AGO4: variants seen among roughly 807,000 people sequenced by gnomAD.
The protein encoded by AGO4 is argonaute RISC component 4, also known as protein argonaute-4.
Under a neutral mutation model 104.7 loss-of-function variants are expected in AGO4, and 33 were observed. The observed-to-expected ratio is 0.32, with a 90% CI of 0.24 to 0.42. The LOEUF (loss-of-function observed/expected upper bound fraction) is 0.42, where lower values mean the gene tolerates loss of function less well. Ranked by LOEUF, AGO4 falls within the 10% of genes least tolerant of loss-of-function variation. The pLI, the probability that AGO4 is intolerant of heterozygous loss-of-function variation, is 1.00. For synonymous variants in AGO4, 331 were observed against 364.7 expected (o/e 0.91, Z 1.05); for missense variants, 711 against 1,083.4 (o/e 0.66, Z 4.83).
intron 7 of AGO4, among the ~76,000 whole-genome samples, chr1:35,828,143 G>A (rs918083660): frequency 2.6e-5 from 4 of 151,970 alleles, no homozygotes; most frequent in Non-Finnish European, 4.4e-5. Flanking sequence ...TAAAATATAT[G>A]AGAAGACATT....
At chr1:35,831,124 G>A (rs1644174019) in intron 7 of AGO4, among the ~76,000 whole-genome samples, 1 of 152,096 alleles carries the variant, frequency 6.6e-6, no homozygotes, top group Non-Finnish European at 1.5e-5. Context: ...CACTTTGGGA[G>A]GCCGAGGTGG....
At position 35,851,023 on chromosome 1, in the gene AGO4, G is replaced by C; in HGVS notation, c.2447G>C (p.Arg816Thr). Residue 816 changes from arginine (R) to threonine (T), a missense_variant, in exon 17 of 18, where the codon AGG (arginine) becomes ACG (threonine). Arg to Thr is a moderately conservative substitution (Grantham distance 71, BLOSUM62 -1). This residue lies in a region of AGO4 where 401 missense variants were observed against 665.5 expected (regional missense o/e 0.60). Transcript: ENST00000373210. ...GCCCGGCTTGTAGCATTTAGGGCAAGGTATCATCTGGTGGATAAAGATCAT... is the reference window on the plus strand; with the variant it reads ...GCCCGGCTTGTAGCATTTAGGGCAACGTATCATCTGGTGGATAAAGATCAT... ...YYARLVAFRA[R>T]YHLVDKDHDS... The C allele has an allele frequency of 6.2e-7, 1 of 1,613,232 alleles. No homozygotes were observed. Among genetic ancestry groups the C allele is most frequent in the Admixed American group, 1.7e-5 (1 of 59,838 alleles).
chr1:35,851,929 A>G (rs1243609551), intron 17 of AGO4, among the ~76,000 whole-genome samples: 2 of 152,236 alleles, frequency 1.3e-5, no homozygotes, highest in African/African-American at 4.8e-5. Flanking sequence ...ACAGGCAAAT[A>G]TACAACTGAC....
intron 13 of AGO4, 47 bp downstream of exon 13, chr1:35,836,040 C>A (rs1557570109): frequency 1.3e-6 from 2 of 1,582,436 alleles, no homozygotes; most frequent in South Asian, 1.1e-5. Context: ...ATCTAACTTA[C>A]ATAATTTATG....
At chr1:35,850,076 C>A in intron 15 of AGO4, 81 bp from the exon 16 acceptor site, 1 of 865,452 alleles carries the variant, frequency 1.2e-6, no homozygotes, top group Non-Finnish European at 1.8e-6. Flanking sequence ...AACTTGCTCC[C>A]AATTAACACA....
intron 2 of AGO4, among the ~76,000 whole-genome samples, chr1:35,817,403 A>C (rs1321785279): frequency 1.4e-5 from 2 of 146,018 alleles, no homozygotes; most frequent in African/African-American, 5.1e-5. Context: ...TTTGGACATG[A>C]GAAAGATGTA....
rs1197184900 is a variant in AGO4 at position 35,841,917 on chromosome 1, A to G, written c.2175+167A>G. On this transcript the variant is annotated intron_variant, in intron 15 of 17. Transcript: ENST00000373210. The surrounding 1 kb of genome is among the most constrained non-coding windows in gnomAD (Gnocchi z 4.7). ...AACTGCAGTTGGGTTTAGATGACCA[A>G]TTCTGAATGATACGAGTTTTGAGAC... Among the ~76,000 whole-genome samples the G allele has an allele frequency of 2.0e-5, 3 of 151,502 alleles. No individual in the cohort carries two copies. Among genetic ancestry groups the G allele is most frequent in the Non-Finnish European group, 4.4e-5 (3 of 67,912 alleles).
chr1:35,816,691 G>A (rs1643710095), intron 1 of AGO4, among the ~76,000 whole-genome samples, 191 bp from the exon 2 acceptor site: 1 of 151,480 alleles, frequency 6.6e-6, no homozygotes, highest in African/African-American at 2.4e-5. Flanking sequence ...CCCAGCTACT[G>A]GAGAGGCTGA....
intron 7 of AGO4, among the ~76,000 whole-genome samples, chr1:35,828,811 G>A (rs773975929): frequency 2.0e-5 from 3 of 152,046 alleles, no homozygotes; most frequent in Non-Finnish European, 4.4e-5. Flanking sequence ...ATGAGCCACT[G>A]CGCCCAGCCC....
chr1:35,813,756 G>GA (rs1388499166), intron 1 of AGO4, among the ~76,000 whole-genome samples: 1 of 146,342 alleles, frequency 6.8e-6, no homozygotes, highest in South Asian at 2.2e-4. Flanking sequence ...CTCAAAAAAA[G>GA]AAAAAAAGAA....
chr1:35,849,554 A>G (rs1644652324), intron 15 of AGO4, among the ~76,000 whole-genome samples: 3 of 149,710 alleles, frequency 2.0e-5, no homozygotes, highest in Non-Finnish European at 4.4e-5. Flanking sequence ...ACATGATGGC[A>G]TGTGTGCCTA....
intron 4 of AGO4, 44 bp downstream of exon 4, chr1:35,825,538 T>A (rs747658365): frequency 6.3e-7 from 1 of 1,590,600 alleles, no homozygotes; most frequent in Non-Finnish European, 8.6e-7. Flanking sequence ...TGTCAGACTT[T>A]TTTGGTAGGT....
rs72065876 is a variant in AGO4, at chr1:35,816,798, CAAAAAAAAAAAAAA to C, written c.20-74_20-61del. 301 of 1,039,916 alleles carry C rather than the reference CAAAAAAAAAAAAAA, an allele frequency of 2.9e-4. No homozygotes were observed. The East Asian group carries it at 5.4e-3, about 19-fold the overall frequency. The allele number at this position is 1,039,916 out of a possible 1,614,324, so 64.4% of individuals were successfully genotyped here. On this transcript the variant is annotated intron_variant, in intron 1 of 17. Coordinates refer to ENST00000373210, the MANE Select transcript of AGO4 (RefSeq NM_017629.4). ...TGGGTGAAAGAGCGAAACTCTGTCT[CAAAAAAAAAAAAAA>C]AAAAAAAAAGAAAGAAAGAAAGAAA...
At chr1:35,814,291 A>C (rs1184079388) in intron 1 of AGO4, among the ~76,000 whole-genome samples, 1 of 152,138 alleles carries the variant, frequency 6.6e-6, no homozygotes, top group Admixed American at 6.6e-5. Flanking sequence ...GAGAAGATTA[A>C]TAGGAGGTTC....
At chr1:35,816,858 G>A (rs1391157358) in intron 1 of AGO4, 24 bp from the exon 2 acceptor site, 9 of 1,515,544 alleles carry the variant, frequency 5.9e-6, no homozygotes, top group South Asian at 4.0e-5. Flanking sequence ...AAATAGCACA[G>A]CAAATGTCTT....
intron 2 of AGO4, among the ~76,000 whole-genome samples, chr1:35,818,642 A>AAAGG (rs1324598140): frequency 1.1e-5 from 1 of 90,520 alleles, no homozygotes; most frequent in African/African-American, 4.2e-5. Context: ...AGAAAGAAAG[A>AAAGG]AAGAAAGAAA....
intron 11 of AGO4, 58 bp from the exon 12 acceptor site, chr1:35,833,932 A>T: frequency 7.8e-7 from 1 of 1,283,354 alleles, no homozygotes; most frequent in Non-Finnish European, 1.0e-6. Flanking sequence ...GAGGAAAATG[A>T]ATGCTAGAAA....
intron 11 of AGO4, among the ~76,000 whole-genome samples, chr1:35,833,721 C>T (rs1301048927): frequency 6.6e-6 from 1 of 152,166 alleles, no homozygotes; most frequent in African/African-American, 2.4e-5. Flanking sequence ...TCTAGTTCAG[C>T]TGCACATAAT....
chr1:35,822,055 T>C (rs1425091975), intron 2 of AGO4, among the ~76,000 whole-genome samples: 1 of 152,108 alleles, frequency 6.6e-6, no homozygotes, highest in East Asian at 1.9e-4. Flanking sequence ...TTTTCTATTT[T>C]TTTTAGTTGA....
Sources: gnomAD v4.1 joint callset for allele counts (sites outside exome capture counted in the v4.1 genomes callset) on GRCh38, gnomAD v4.1.1 for gene constraint, gnomAD v4.1.1 regional missense constraint, Gnocchi (gnomAD v3.1) non-coding constraint, MANE v1.5 for transcripts, NCBI Gene and HGNC (gene_info 2026-07-23, HGNC 2026-07-21) for gene names.